Variants in CFAP300 observed in about 807,000 individuals in gnomAD.
CFAP300 encodes cilia- and flagella-associated protein 300.
CFAP300 carries 32 observed loss-of-function variants against 33.0 expected under a neutral mutation model. The observed-to-expected ratio is 0.97, with a 90% CI of 0.73 to 1.30. The LOEUF (loss-of-function observed/expected upper bound fraction) is 1.30, where lower values mean the gene tolerates loss of function less well. Ranked by LOEUF, CFAP300 falls within the 50% of genes most tolerant of loss-of-function variation. The pLI, the probability that CFAP300 is intolerant of heterozygous loss-of-function variation, is 0.00. For missense variants in CFAP300, 356 were observed against 318.1 expected (o/e 1.12, Z -0.90); for synonymous variants, 102 against 106.8 (o/e 0.95, Z 0.28).
chr11:102,069,481 A>C (rs555430115), intron 4 of CFAP300, among the ~76,000 whole-genome samples: 1 of 152,300 alleles, frequency 6.6e-6, no homozygotes, highest in East Asian at 1.9e-4. Flanking sequence ...ATTCCAAAAA[A>C]TTTTTAAAAA....
chr11:102,062,266 C>T (rs983716354), intron 3 of CFAP300, among the ~76,000 whole-genome samples: 10 of 152,146 alleles, frequency 6.6e-5, no homozygotes, highest in Non-Finnish European at 1.0e-4. Context: ...TTGTTTAAGC[C>T]ACCCAGACTA....
intron 2 of CFAP300, among the ~76,000 whole-genome samples, chr11:102,052,820 T>A (rs1941990751): frequency 6.6e-6 from 1 of 152,208 alleles, no homozygotes; most frequent in Non-Finnish European, 1.5e-5. Flanking sequence ...ATTACAACAG[T>A]AGCCTTCCTC....
intron 2 of CFAP300, among the ~76,000 whole-genome samples, chr11:102,048,266 C>G (rs1941916482): frequency 6.6e-6 from 1 of 152,040 alleles, no homozygotes; most frequent in Non-Finnish European, 1.5e-5. Context: ...GGGTCTTTCT[C>G]TGTCACCCAG....
intron 4 of CFAP300, among the ~76,000 whole-genome samples, chr11:102,069,248 G>T (rs2135037597): frequency 6.6e-6 from 1 of 152,252 alleles, no homozygotes; most frequent in South Asian, 2.1e-4. Flanking sequence ...TTGCTTTCTG[G>T]CTGATAAAAA....
chr11:102,082,386 A>C (rs1942486750), intron 6 of CFAP300, among the ~76,000 whole-genome samples: 1 of 152,076 alleles, frequency 6.6e-6, no homozygotes, highest in African/African-American at 2.4e-5. Context: ...CTCCAAAAAA[A>C]ATTTAAAAAA....
chr11:102,052,508 C>T (rs1215563498), intron 2 of CFAP300, among the ~76,000 whole-genome samples: 1 of 152,030 alleles, frequency 6.6e-6, no homozygotes, highest in Non-Finnish European at 1.5e-5. Context: ...TATATGATAC[C>T]TTTTTGAAAA....
At chr11:102,049,359 A>G (rs1012151082) in intron 2 of CFAP300, among the ~76,000 whole-genome samples, 18 of 152,178 alleles carry the variant, frequency 1.2e-4, no homozygotes, top group African/African-American at 3.9e-4. Flanking sequence ...TAGAGACACC[A>G]GTCATATTGA....
At chr11:102,081,933 A>G (rs969760117) in intron 6 of CFAP300, among the ~76,000 whole-genome samples, 1 of 151,942 alleles carries the variant, frequency 6.6e-6, no homozygotes, top group Admixed American at 6.6e-5. Context: ...GTCTTTATAC[A>G]TAGAATCTGG....
In CFAP300 at chr11:102,066,561, T is replaced by C. The variant is rs2135034234; in HGVS notation, c.345T>C (p.Tyr115=). The C allele has an allele frequency of 6.2e-7, 1 of 1,611,228 alleles. No individual in the cohort carries two copies. The highest frequency in any genetic ancestry group is 8.5e-7 in the Non-Finnish European group (1 of 1,178,446). ...QLSMSFFHRL[Y]DEDIVRDSGH... is the part of the protein sequence containing the mutation. ...CAATGTCATTTTTTCATCGGTTATA[T>C]GATGAAGATATTGTACGAGACAGTG... The change falls in exon 4 of 7, where the codon TAT becomes TAC. Residue 115 remains tyrosine (Y), a synonymous_variant. Transcript: ENST00000434758.
At chr11:102,073,324 C>A (rs1942341524) in intron 4 of CFAP300, among the ~76,000 whole-genome samples, 1 of 152,122 alleles carries the variant, frequency 6.6e-6, no homozygotes, top group African/African-American at 2.4e-5. Flanking sequence ...TGGGTGGGTT[C>A]CAGCTGCTAT....
chr11:102,064,154 A>G (rs553291400), intron 3 of CFAP300, among the ~76,000 whole-genome samples: 1 of 152,342 alleles, frequency 6.6e-6, no homozygotes, highest in African/African-American at 2.4e-5. Context: ...TTCAGTCCAC[A>G]GCAAATGCTA....
chr11:102,081,734 T>C (rs1372719381), intron 6 of CFAP300, among the ~76,000 whole-genome samples: 1 of 151,736 alleles, frequency 6.6e-6, no homozygotes, highest in Non-Finnish European at 1.5e-5. Context: ...CTACTAAAAA[T>C]ACAAAAAATT....
intron 6 of CFAP300, among the ~76,000 whole-genome samples, chr11:102,081,651 A>G (rs11225121): frequency 0.54 from 81,714 of 151,926 alleles, 22,788 homozygotes; most frequent in East Asian, 0.75. Context: ...ATCCCATTTT[A>G]GGGGGCCGAG....
At chr11:102,064,515 C>T (rs1942195719) in intron 3 of CFAP300, among the ~76,000 whole-genome samples, 1 of 152,232 alleles carries the variant, frequency 6.6e-6, no homozygotes, top group Non-Finnish European at 1.5e-5. Flanking sequence ...AGGCATCCTT[C>T]ATGCCTCCAC....
At chr11:102,061,131 G>A (rs994444935) in intron 3 of CFAP300, among the ~76,000 whole-genome samples, 3 of 152,060 alleles carry the variant, frequency 2.0e-5, no homozygotes, top group Admixed American at 6.6e-5. Flanking sequence ...TGCAAAAAGA[G>A]GTTCTCAAAT....
In CFAP300 at chr11:102,059,301, GTGTGTGTGTGTGTGTGTGTGTA is replaced by G. The variant is rs1478999942; in HGVS notation, c.268+350_268+371del. On this transcript the variant is annotated intron_variant, in intron 3 of 6. Transcript: ENST00000434758. Reference sequence around the variant, plus strand: ...TTAAAATGTGTGTGTGTGTGTGTGTGTGTGTGTGTGTGTGTGTGTGTATGTACTAATATGTCAAAGGTGCTAC... The same window carrying G: ...TTAAAATGTGTGTGTGTGTGTGTGTGTGTACTAATATGTCAAAGGTGCTAC... Among the ~76,000 whole-genome samples the G allele has an allele frequency of 1.8e-4, 9 of 49,858 alleles. No homozygotes were observed. In the East Asian group the frequency reaches 0.01, roughly 57 times the overall value. 32.7% of individuals were successfully genotyped at this position (49,858 alleles called of 152,430 possible).
rs189551525 is a variant in CFAP300, at chr11:102,055,817, C to T, written c.193-3063C>T. 2.8e-3 allele frequency among the ~76,000 whole-genome samples: 429 copies of T among 151,942 alleles called. 6 individuals are homozygous for T. The highest frequency in any genetic ancestry group is 9.9e-3 in the African/African-American group (408 of 41,416). The stretch of plus-strand genomic sequence containing the variant: ...CCTCCCGAGTAGCTGGGACTACAGG[C>T]GCCCGCCACCACGCCCAGATAATTT... On this transcript the variant is annotated intron_variant, in intron 2 of 6. Transcript: ENST00000434758.
At chr11:102,059,374 C>T (rs1942109511) in intron 3 of CFAP300, among the ~76,000 whole-genome samples, 1 of 151,750 alleles carries the variant, frequency 6.6e-6, no homozygotes, top group South Asian at 2.1e-4. Flanking sequence ...AAGGGCCAGG[C>T]ATGGTGGCTC....
At chr11:102,048,485 A>C (rs1156273535) in intron 2 of CFAP300, among the ~76,000 whole-genome samples, 1 of 151,880 alleles carries the variant, frequency 6.6e-6, no homozygotes, top group Non-Finnish European at 1.5e-5. Flanking sequence ...GCGAGCCACC[A>C]CCCCCAGCCT....
Sources: allele counts gnomAD v4.1 joint callset (sites outside exome capture counted in the v4.1 genomes callset), GRCh38; gene constraint gnomAD v4.1.1; transcripts MANE v1.5; gene names NCBI Gene and HGNC (gene_info 2026-07-23, HGNC 2026-07-21).